The following PCDH15 variants were observed in gnomAD, a reference collection of about 807,000 sequenced individuals.
The protein encoded by PCDH15 is protocadherin related 15.
Under a neutral mutation model 178.5 loss-of-function variants are expected in PCDH15, and 129 were observed. The observed-to-expected ratio is 0.72, with a 90% CI of 0.63 to 0.84. PCDH15 has a LOEUF of 0.84. Ranked by LOEUF, PCDH15 falls within the 40% of genes least tolerant of loss-of-function variation. The probability of loss-of-function intolerance (pLI) is 0.00; values close to 1 mark genes in which losing one functional copy is unlikely to be tolerated. For synonymous variants in PCDH15, 800 were observed against 732.0 expected, an observed-to-expected ratio of 1.09 and a Z score of -1.50; for missense variants, 2,230 against 2,099.9, an observed-to-expected ratio of 1.06 and a Z score of -1.21.
intron 5 of PCDH15, among the ~76,000 whole-genome samples, chr10:54,354,135 G>A (rs574916610): frequency 5.8e-4 from 89 of 152,170 alleles, no homozygotes; most frequent in African/African-American, 1.9e-3. Context: ...ACAGGCATGC[G>A]CCACCACGCC....
intron 2 of PCDH15, among the ~76,000 whole-genome samples, chr10:54,535,068 T>C (rs1248580075): frequency 6.6e-6 from 1 of 152,184 alleles, no homozygotes; most frequent in African/African-American, 2.4e-5. Flanking sequence ...GAACAGGATA[T>C]GCTACTTGTG....
Position 55,079,487 on chromosome 10 carries a change from A to G in PCDH15, c.-80+87089T>C, listed in dbSNP as rs553970867. ...AGTCCAGTCTTTAGCCCCAGTCATG[A>G]CAACTGTGGGCTGATCATGCCTGCC... On this transcript the variant is annotated intron_variant, in intron 2 of 5. Coordinates refer to the PCDH15 transcript ENST00000458638. Among the ~76,000 whole-genome samples the G allele has an allele frequency of 2.0e-5, 3 of 152,306 alleles. No homozygotes were observed. The South Asian group carries it at 6.2e-4, about 32-fold the overall frequency.
chr10:54,093,022 T>C (rs2094626460), intron 15 of PCDH15, among the ~76,000 whole-genome samples: 1 of 151,860 alleles, frequency 6.6e-6, no homozygotes, highest in Non-Finnish European at 1.5e-5. Context: ...ATATCGAATC[T>C]TTTATTATAT....
chr10:54,348,947 T>A (rs1026612666), intron 5 of PCDH15, among the ~76,000 whole-genome samples: 15 of 152,172 alleles, frequency 9.9e-5, no homozygotes, highest in African/African-American at 3.6e-4. Flanking sequence ...TTGGCTTGTT[T>A]CACTTAACAT....
At position 54,717,075 on chromosome 10, in the gene PCDH15, G is replaced by A. The variant is rs938915994; in HGVS notation, c.-28-52785C>T. On this transcript the variant is annotated intron_variant, in intron 1 of 37. Transcript: ENST00000644397. Reference sequence around the variant, plus strand: ...TAGCTATATGTAGAAAGCTGAAACTGGATCCCTTCCTTACACCTTATACAA... The same window carrying A: ...TAGCTATATGTAGAAAGCTGAAACTAGATCCCTTCCTTACACCTTATACAA... 5.8e-4 allele frequency among the ~76,000 whole-genome samples: 85 copies of A among 147,394 alleles called. 1 individual carries two copies. The highest frequency in any genetic ancestry group is 2.2e-3 in the African/African-American group (85 of 39,246).
chr10:54,998,122 A>G (rs1056515564), intron 2 of PCDH15, among the ~76,000 whole-genome samples: 3 of 152,158 alleles, frequency 2.0e-5, no homozygotes, highest in Non-Finnish European at 4.4e-5. Context: ...AAAAACAATA[A>G]TTTTGTCTAA....
intron 15 of PCDH15, among the ~76,000 whole-genome samples, chr10:54,094,220 C>T (rs1358316590): frequency 6.6e-6 from 1 of 152,148 alleles, no homozygotes; most frequent in African/African-American, 2.4e-5. Flanking sequence ...CAGCAGTAAA[C>T]CACACAGACA....
chr10:53,971,993 A>G (rs2089737604), intron 21 of PCDH15, among the ~76,000 whole-genome samples: 1 of 152,144 alleles, frequency 6.6e-6, no homozygotes, highest in Admixed American at 6.5e-5. Context: ...ATCCTAAGCC[A>G]AAAGAACAAA....
chr10:55,065,588 A>T (rs953490895), intron 2 of PCDH15, among the ~76,000 whole-genome samples: 1 of 152,058 alleles, frequency 6.6e-6, no homozygotes, highest in Admixed American at 6.6e-5. Context: ...AACCCAGGAG[A>T]GTAGATACTG....
At chr10:54,037,367 G>T (rs776763419) in intron 18 of PCDH15, among the ~76,000 whole-genome samples, 13 of 151,846 alleles carry the variant, frequency 8.6e-5, no homozygotes, top group Non-Finnish European at 1.9e-4. Context: ...CTTATTTTAA[G>T]AAACTGACAC....
At chr10:54,836,668 C>G (rs187898957) in intron 3 of PCDH15, among the ~76,000 whole-genome samples, 70 of 151,884 alleles carry the variant, frequency 4.6e-4, no homozygotes, top group Non-Finnish European at 8.8e-4. Flanking sequence ...ATTTTTCACA[C>G]TAATAACTAC....
chr10:54,195,945 G>T (rs997438158), intron 10 of PCDH15, 56 bp from the exon 11 acceptor site: 98 of 1,516,010 alleles, frequency 6.5e-5, no homozygotes, highest in Non-Finnish European at 8.6e-5. Context: ...CTATCTTTTT[G>T]GAGTTTCACT....
intron 6 of PCDH15, among the ~76,000 whole-genome samples, chr10:54,330,774 G>A (rs1258629438): frequency 1.3e-5 from 2 of 151,828 alleles, no homozygotes; most frequent in African/African-American, 4.8e-5. Flanking sequence ...TTATTCTTAA[G>A]AAGACCTTAT....
At chr10:54,189,402 A>G (rs760661477) in intron 11 of PCDH15, 17 of 1,496,824 alleles carry the variant, frequency 1.1e-5, no homozygotes, top group Non-Finnish European at 1.5e-5. Context: ...CAAATTAAAC[A>G]TGAAATAAAT....
At chr10:54,170,413 C>T (rs1317789987) in intron 13 of PCDH15, among the ~76,000 whole-genome samples, 2 of 151,892 alleles carry the variant, frequency 1.3e-5, no homozygotes, top group Non-Finnish European at 2.9e-5. Flanking sequence ...CAGTGGCTGC[C>T]ACTGCATTAA....
chr10:54,459,855 A>C (rs2077062593), intron 3 of PCDH15, among the ~76,000 whole-genome samples: 1 of 152,072 alleles, frequency 6.6e-6, no homozygotes, highest in Non-Finnish European at 1.5e-5. Flanking sequence ...TTTTTGTTTT[A>C]TCCTTGACTA....
chr10:54,884,666 T>C (rs1386847005), intron 3 of PCDH15, among the ~76,000 whole-genome samples: 1 of 151,980 alleles, frequency 6.6e-6, no homozygotes, highest in Non-Finnish European at 1.5e-5. Flanking sequence ...AGAAACAGGC[T>C]TTAATGAGAA....
At chr10:55,232,923 T>C (rs192979830) in intron 1 of PCDH15, among the ~76,000 whole-genome samples, 1 of 152,212 alleles carries the variant, frequency 6.6e-6, no homozygotes, top group African/African-American at 2.4e-5. Flanking sequence ...AATGCATTGA[T>C]CTAGAGAAAC....
At chr10:54,502,745 T>C (rs1555011752) in intron 3 of PCDH15, among the ~76,000 whole-genome samples, 3 of 151,896 alleles carry the variant, frequency 2.0e-5, no homozygotes, top group South Asian at 2.1e-4. Context: ...TAATGCTTTA[T>C]TGATAGTTAA....
Sources: gnomAD v4.1 joint callset for allele counts (sites outside exome capture counted in the v4.1 genomes callset) on GRCh38, gnomAD v4.1.1 for gene constraint, MANE v1.5 for transcripts, NCBI Gene and HGNC (gene_info 2026-07-23, HGNC 2026-07-21) for gene names.